Variants in RBM47 observed in about 807,000 individuals in gnomAD.
The protein encoded by RBM47 is RNA-binding protein 47.
A neutral mutation model predicts 47.1 loss-of-function variants in RBM47; 21 were observed. The observed-to-expected ratio is 0.45, with a 90% CI of 0.32 to 0.64. RBM47 has a LOEUF of 0.64. Ranked by LOEUF, RBM47 falls within the 30% of genes least tolerant of loss-of-function variation. The probability of loss-of-function intolerance (pLI) is 0.05; values close to 1 mark genes in which losing one functional copy is unlikely to be tolerated. For missense variants in RBM47, 708 were observed against 870.9 expected, an observed-to-expected ratio of 0.81 and a Z score of 2.35; for synonymous variants, 375 against 361.7, an observed-to-expected ratio of 1.04 and a Z score of -0.42.
rs191722761 is a variant in RBM47 at position 40,524,601 on chromosome 4, T to C, written c.-155+19821A>G. 6.6e-5 allele frequency among the ~76,000 whole-genome samples: 10 copies of C among 152,242 alleles called. No homozygotes were observed. The East Asian group carries it at 1.9e-3, about 29-fold the overall frequency. ...ATTGGCATTCGGACTCAGAAAAGGA[T>C]TTTCTCATGGATGCTTTCCTAGGCA... On this transcript the variant is annotated intron_variant, in intron 2 of 6. Transcript: ENST00000295971.
intron 3 of RBM47, among the ~76,000 whole-genome samples, chr4:40,460,888 CAAAAAAAAAAA>C (rs35536750): frequency 1.1e-5 from 1 of 92,974 alleles, no homozygotes; most frequent in Non-Finnish European, 2.0e-5. Flanking sequence ...GACTCTGTCT[CAAAAAAAAAAA>C]AAAAAAAAAA....
At chr4:40,624,969 C>A (rs1165077152) in intron 1 of RBM47, among the ~76,000 whole-genome samples, 1 of 148,220 alleles carries the variant, frequency 6.7e-6, no homozygotes, top group Non-Finnish European at 1.5e-5. Flanking sequence ...CCTGCCTCAG[C>A]CTCCCGAGTA....
chr4:40,526,760 G>C (rs957883541), intron 2 of RBM47, among the ~76,000 whole-genome samples: 6 of 147,262 alleles, frequency 4.1e-5, no homozygotes, highest in South Asian at 2.2e-4. Context: ...GTAGAGACAG[G>C]GTCTCTCACT....
At chr4:40,541,662 C>T (rs389901) in intron 2 of RBM47, among the ~76,000 whole-genome samples, 49,118 of 151,686 alleles carry the variant, frequency 0.32, 8,634 homozygotes, top group African/African-American at 0.45. Context: ...TGTTTGAACC[C>T]GGGAGGCGGA....
At chr4:40,465,979 T>C (rs1231637560) in intron 3 of RBM47, among the ~76,000 whole-genome samples, 1 of 152,080 alleles carries the variant, frequency 6.6e-6, no homozygotes, top group Non-Finnish European at 1.5e-5. Flanking sequence ...TGAAACATAG[T>C]TGACTGGCTG....
intron 1 of RBM47, among the ~76,000 whole-genome samples, chr4:40,623,595 T>C (rs1418258570): frequency 1.3e-5 from 2 of 152,104 alleles, no homozygotes; most frequent in South Asian, 4.1e-4. Flanking sequence ...ACTAAAGCCT[T>C]GAGCGCCTGT....
intron 2 of RBM47, among the ~76,000 whole-genome samples, chr4:40,468,466 A>G (rs1026493845): frequency 9.9e-5 from 15 of 152,226 alleles, no homozygotes; most frequent in African/African-American, 3.1e-4. Flanking sequence ...AAGTATAGGT[A>G]GGGGATGTTG....
At chr4:40,480,472 GT>G in intron 2 of RBM47, among the ~76,000 whole-genome samples, 1 of 152,192 alleles carries the variant, frequency 6.6e-6, no homozygotes, top group South Asian at 2.1e-4. Context: ...ACCTACCCAT[GT>G]TTCACCTTGC....
At chr4:40,533,258 A>AC (rs1468422418) in intron 2 of RBM47, among the ~76,000 whole-genome samples, 27 of 152,018 alleles carry the variant, frequency 1.8e-4, no homozygotes, top group African/African-American at 6.0e-4. Context: ...ACATGGTGAA[A>AC]CCCCATCTCT....
chr4:40,573,833 A>AAGAAAGAAAGAAAGAAAGAG, intron 1 of RBM47, among the ~76,000 whole-genome samples: 2 of 136,630 alleles, frequency 1.5e-5, no homozygotes, highest in Admixed American at 7.2e-5. Flanking sequence ...GAAAGAAAGA[A>AAGAAAGAAAGAAAGAAAGAG]AGAGAAAGAA....
chr4:40,539,688 C>T (rs1301584742), intron 2 of RBM47, among the ~76,000 whole-genome samples: 2 of 125,568 alleles, frequency 1.6e-5, no homozygotes, highest in East Asian at 2.6e-4. Context: ...TGCAGTCAAC[C>T]GAGATTGTGC....
intron 2 of RBM47, among the ~76,000 whole-genome samples, chr4:40,492,775 CTG>C (rs4035484): frequency 0.57 from 86,300 of 150,232 alleles, 24,687 homozygotes; most frequent in East Asian, 0.66. Flanking sequence ...CCATCATGAC[CTG>C]TGTGTGTGTG....
At chr4:40,441,179 T>C (rs1281684856) in intron 3 of RBM47, among the ~76,000 whole-genome samples, 3 of 151,662 alleles carry the variant, frequency 2.0e-5, no homozygotes, top group Admixed American at 1.3e-4. Context: ...ATCCCAGCTC[T>C]TAGGGAGGCA....
intron 1 of RBM47, among the ~76,000 whole-genome samples, chr4:40,545,788 G>A (rs772399141): frequency 5.9e-5 from 9 of 152,040 alleles, no homozygotes; most frequent in Non-Finnish European, 8.8e-5. Context: ...CCAGGTGCTC[G>A]AAACTCCACT....
intron 1 of RBM47, among the ~76,000 whole-genome samples, chr4:40,587,000 T>C (rs1354780027): frequency 6.6e-6 from 1 of 152,062 alleles, no homozygotes. Flanking sequence ...GGTTTAGTAA[T>C]ATCCACATTA....
intron 2 of RBM47, among the ~76,000 whole-genome samples, chr4:40,535,154 T>C (rs570470818): frequency 1.3e-5 from 2 of 152,230 alleles, no homozygotes; most frequent in African/African-American, 4.8e-5. Flanking sequence ...AGTAAAAGAC[T>C]TCCTTATGCC....
intron 1 of RBM47, among the ~76,000 whole-genome samples, chr4:40,608,040 T>G (rs1371975145): frequency 6.6e-6 from 1 of 151,776 alleles, no homozygotes; most frequent in Non-Finnish European, 1.5e-5. Context: ...AGGTGGAGGT[T>G]GCAGTGAGCT....
chr4:40,473,954 G>A (rs1212950523), intron 2 of RBM47, among the ~76,000 whole-genome samples: 2 of 152,168 alleles, frequency 1.3e-5, no homozygotes, highest in Non-Finnish European at 2.9e-5. Context: ...AGATGGTGGT[G>A]ATGAGATTAT....
At position 40,507,570 on chromosome 4, in the gene RBM47, T is replaced by G. The variant is rs146916324; in HGVS notation, c.-155+36852A>C. ...TTGGGAGGCCGAGGCGGATGGATCA[T>G]GAAGTCAGGAATTCAAGACCAGCCT... On this transcript the variant is annotated intron_variant, in intron 2 of 6. Transcript: ENST00000295971. 8.4e-3 allele frequency among the ~76,000 whole-genome samples: 1,278 copies of G among 152,194 alleles called. 22 individuals carry two copies. Among genetic ancestry groups the G allele is most frequent in the Middle Eastern group, 0.037 (11 of 294 alleles).
Sources: gnomAD v4.1 joint callset for allele counts (sites outside exome capture counted in the v4.1 genomes callset) on GRCh38, gnomAD v4.1.1 for gene constraint, MANE v1.5 for transcripts, NCBI Gene and HGNC (gene_info 2026-07-23, HGNC 2026-07-21) for gene names.